The following KYAT1 variants were observed in gnomAD, a reference collection of about 807,000 sequenced individuals.
The protein encoded by KYAT1 is kynurenine aminotransferase 1, also known as kynurenine--oxoglutarate transaminase 1.
Under a neutral mutation model 52.4 loss-of-function variants are expected in KYAT1, and 47 were observed. That is an observed-to-expected ratio of 0.90 (90% CI 0.71 to 1.14). The LOEUF (loss-of-function observed/expected upper bound fraction) is 1.14. Among genes scored for constraint, KYAT1 ranks in the 50% most tolerant of loss-of-function variants. The probability of loss-of-function intolerance (pLI) is 0.00; values close to 1 mark genes in which losing one functional copy is unlikely to be tolerated. For missense variants in KYAT1, 480 were observed against 557.9 expected (o/e 0.86, Z 1.41); for synonymous variants, 212 against 209.6 (o/e 1.01, Z -0.10).
intron 1 of KYAT1, among the ~76,000 whole-genome samples, chr9:128,845,943 G>C (rs907770905): frequency 2.6e-5 from 4 of 152,302 alleles, no homozygotes; most frequent in East Asian, 3.9e-4. Context: ...GGTGCAGGAG[G>C]GGGAGTGATG....
intron 3 of KYAT1, among the ~76,000 whole-genome samples, chr9:128,838,892 T>C (rs1831616723): frequency 6.6e-6 from 1 of 152,204 alleles, no homozygotes; most frequent in Admixed American, 6.5e-5. Context: ...TTAAGAAGCA[T>C]GTTTGTGCCC....
intron 3 of KYAT1, among the ~76,000 whole-genome samples, chr9:128,839,608 G>C (rs1158936953): frequency 2.0e-5 from 3 of 152,090 alleles, no homozygotes; most frequent in Non-Finnish European, 2.9e-5. Context: ...CTGGGCGACA[G>C]AGCGAGACTC....
In KYAT1 at chr9:128,838,086, C is replaced by A. The variant is rs1425190614; in HGVS notation, c.403G>T (p.Ala135Ser). ...FDCYEPMTMM[A>S]GGRPVFVSLK... ...GACACAAACACAGGACGACCCCCTG[C>A]CATCATTGTCATGGGCTCGTAGCAG... Residue 135 changes from alanine (A) to serine (S), a missense_variant, in exon 5 of 13, where the codon GCA (alanine) becomes TCA (serine). By Grantham distance (99) the Ala-to-Ser change is moderately conservative. Coordinates refer to ENST00000302586, the MANE Select transcript of KYAT1 (RefSeq NM_004059.5). The A allele has an allele frequency of 6.2e-7, 1 of 1,614,056 alleles. No homozygotes were observed. Among genetic ancestry groups the A allele is most frequent in the Non-Finnish European group, 8.5e-7 (1 of 1,180,044 alleles).
intron 3 of KYAT1, among the ~76,000 whole-genome samples, chr9:128,839,900 CA>C (rs1831840419): frequency 6.6e-6 from 1 of 150,782 alleles, no homozygotes; most frequent in Non-Finnish European, 1.5e-5. Flanking sequence ...GATGGAAAAT[CA>C]AAAAAATTAT....
intron 1 of KYAT1, among the ~76,000 whole-genome samples, chr9:128,862,885 C>T (rs1371358511): frequency 1.3e-5 from 2 of 152,116 alleles, no homozygotes; most frequent in African/African-American, 4.8e-5. Flanking sequence ...AGTGCAATGG[C>T]ATGATCTCGG....
chr9:128,882,093 C>T (rs1222387279), upstream of KYAT1: 1 of 152,262 alleles, frequency 6.6e-6, no homozygotes, highest in Non-Finnish European at 1.5e-5. Flanking sequence ...CCGCCGCGTT[C>T]GCGCCCGGCG....
chr9:128,852,262 C>G (rs1406247225), intron 1 of KYAT1, among the ~76,000 whole-genome samples: 1 of 152,158 alleles, frequency 6.6e-6, no homozygotes, highest in Non-Finnish European at 1.5e-5. Flanking sequence ...TGCTCTCCAA[C>G]CCGGGATGCC....
At chr9:128,850,039 C>T (rs2119264076) in intron 1 of KYAT1, among the ~76,000 whole-genome samples, 1 of 151,816 alleles carries the variant, frequency 6.6e-6, no homozygotes, top group South Asian at 2.1e-4. Flanking sequence ...TGTGTGCCAC[C>T]ATGCCTGGCT....
In KYAT1 at chr9:128,835,809, G is replaced by T; in HGVS notation, c.825C>A (p.Asn275Lys). ...IMKHLRTVHQ[N>K]SVFHCPTQSQ... ...TCTGCGTGGGGCAGTGGAAGACGGA[G>T]TTCTGGTGCACGGTCCGCAGGTGCT... Residue 275 changes from asparagine to lysine, a missense_variant, in exon 9 of 13, where the codon AAC becomes AAA. Asn to Lys is a moderately conservative substitution (Grantham distance 94, BLOSUM62 0). Coordinates refer to ENST00000302586, the MANE Select transcript of KYAT1 (RefSeq NM_004059.5). 6.2e-7 allele frequency: 1 copy of T among 1,613,760 alleles called. No homozygotes were observed. Among genetic ancestry groups the T allele is most frequent in the South Asian group, 1.1e-5 (1 of 90,978 alleles).
chr9:128,849,002 C>T (rs542110755), intron 1 of KYAT1, among the ~76,000 whole-genome samples: 2 of 151,798 alleles, frequency 1.3e-5, no homozygotes, highest in South Asian at 2.1e-4. Flanking sequence ...GTAGTCCCAG[C>T]TACTTGTGAG....
In KYAT1 at chr9:128,833,216, T is replaced by C. The variant is rs1589602224; in HGVS notation, c.*368A>G. On this transcript the variant is annotated 3_prime_UTR_variant, in exon 13 of 13. Transcript: ENST00000302586. Reference sequence around the variant, plus strand: ...CAAGGCCAAGATGAGCCAGGGAAGGTGAGGTTATACCTGAGCCTTAGCAGG... The same window carrying C: ...CAAGGCCAAGATGAGCCAGGGAAGGCGAGGTTATACCTGAGCCTTAGCAGG... 3.4e-6 allele frequency: 1 copy of C among 290,654 alleles called. No individual in the cohort carries two copies. Among genetic ancestry groups the C allele is most frequent in the African/African-American group, 2.2e-5 (1 of 46,198 alleles). The allele number at this position is 290,654 out of a possible 1,614,324, so 18.0% of individuals were successfully genotyped here.
chr9:128,836,977 G>C (rs1831241179), intron 6 of KYAT1, 55 bp from the exon 7 acceptor site: 1 of 1,588,106 alleles, frequency 6.3e-7, no homozygotes, highest in Non-Finnish European at 8.5e-7. Context: ...CCCAAACACA[G>C]AGGCCTACTC....
chr9:128,857,968 A>G (rs1221387918), intron 1 of KYAT1, among the ~76,000 whole-genome samples: 1 of 152,228 alleles, frequency 6.6e-6, no homozygotes, highest in African/African-American at 2.4e-5. Context: ...CAACAAAAGA[A>G]AAAATAAACT....
intron 3 of KYAT1, among the ~76,000 whole-genome samples, chr9:128,841,767 G>A (rs1832233517): frequency 6.6e-6 from 1 of 151,900 alleles, no homozygotes; most frequent in Non-Finnish European, 1.5e-5. Flanking sequence ...GGAGGCCGAG[G>A]TGGCAGGATC....
chr9:128,839,994 C>G (rs1831854419), intron 3 of KYAT1, among the ~76,000 whole-genome samples: 1 of 152,006 alleles, frequency 6.6e-6, no homozygotes, highest in Non-Finnish European at 1.5e-5. Context: ...GAGATCAAGG[C>G]TGAAGTGAGT....
intron 1 of KYAT1, among the ~76,000 whole-genome samples, chr9:128,848,663 C>T (rs1053419537): frequency 2.6e-5 from 4 of 151,770 alleles, no homozygotes; most frequent in African/African-American, 9.7e-5. Context: ...ACTAAAAATA[C>T]AAAAATTAGC....
In KYAT1 at chr9:128,836,802, C is replaced by T. The variant is rs1337381445; in HGVS notation, c.688G>A (p.Ala230Thr). ...VYDGHQHISI[A>T]SLPGMWERTL... ...GGGGCCCCAGGCTGGCTTGGCTCAC[C>T]AATGCTGATGTGCTGGTGCCCGTCG... The change falls in exon 7 of 13, where the codon GCC becomes ACC. Residue 230 changes from alanine (A) to threonine (T), a missense_variant and splice_region_variant. Physicochemically the swap from Ala to Thr is moderately conservative, Grantham distance 58. Coordinates refer to ENST00000302586, the MANE Select transcript of KYAT1 (RefSeq NM_004059.5). The T allele has an allele frequency of 6.2e-7, 1 of 1,612,990 alleles. No individual in the cohort carries two copies. The highest frequency in any genetic ancestry group is 2.2e-5 in the East Asian group (1 of 44,874).
intron 1 of KYAT1, chr9:128,847,510 CT>C: frequency 6.5e-7 from 1 of 1,535,934 alleles, no homozygotes; most frequent in Non-Finnish European, 8.7e-7. Context: ...ACAGAGATGG[CT>C]GCTGCAGTCC....
chr9:128,875,256 T>TTG (rs1554817894), intron 1 of KYAT1, among the ~76,000 whole-genome samples: 2 of 149,324 alleles, frequency 1.3e-5, no homozygotes, highest in African/African-American at 5.0e-5. Context: ...TTGTTTTTTT[T>TTG]TTTTTTTTGG....
Sources: allele counts gnomAD v4.1 joint callset (sites outside exome capture counted in the v4.1 genomes callset), GRCh38; gene constraint gnomAD v4.1.1; transcripts MANE v1.5; gene names NCBI Gene and HGNC (gene_info 2026-07-23, HGNC 2026-07-21).